The following MMD2 variants were observed in gnomAD, a reference collection of about 807,000 sequenced individuals.
MMD2 encodes monocyte to macrophage differentiation factor 2.
MMD2 carries 30 observed loss-of-function variants against 33.5 expected under a neutral mutation model. The observed-to-expected ratio is 0.90, with a 90% CI of 0.67 to 1.22. The LOEUF is 1.22. Among genes scored for constraint, MMD2 ranks in the 50% most tolerant of loss-of-function variants. The pLI is 0.00. For synonymous variants in MMD2, 129 were observed against 123.0 expected (o/e 1.05, Z -0.32); for missense variants, 364 against 325.4 (o/e 1.12, Z -0.91).
chr7:4,920,567 C>G (rs902191697), intron 2 of MMD2, among the ~76,000 whole-genome samples: 1 of 148,312 alleles, frequency 6.7e-6, no homozygotes, highest in Admixed American at 6.7e-5. Flanking sequence ...TTCCTTCCAG[C>G]CTTCCTTCCT....
chr7:4,938,359 G>A (rs1020607745), intron 1 of MMD2, among the ~76,000 whole-genome samples: 11 of 151,976 alleles, frequency 7.2e-5, no homozygotes, highest in African/African-American at 2.7e-4. Flanking sequence ...CAGGATCTAG[G>A]GACTGTGTCT....
At chr7:4,897,395 A>G in the MMD2 span, among the ~76,000 whole-genome samples, 1 of 152,204 alleles carries the variant, frequency 6.6e-6, no homozygotes, top group Admixed American at 6.5e-5. Context: ...CAATTTCACA[A>G]ACACAGAAAG....
At chr7:4,950,690 T>A (rs1786217085) in intron 1 of MMD2, among the ~76,000 whole-genome samples, 1 of 150,822 alleles carries the variant, frequency 6.6e-6, no homozygotes, top group Non-Finnish European at 1.5e-5. Flanking sequence ...TCCTTCCTTT[T>A]TAAAGCTAAA....
intron 1 of MMD2, among the ~76,000 whole-genome samples, chr7:4,944,275 T>G (rs899255187): frequency 1.1e-4 from 17 of 151,212 alleles, no homozygotes; most frequent in Admixed American, 5.9e-4. Flanking sequence ...AAAAAAAAAA[T>G]TGGAATCTAT....
chr7:4,912,122 A>G (rs1785029719), intron 4 of MMD2, among the ~76,000 whole-genome samples: 1 of 151,904 alleles, frequency 6.6e-6, no homozygotes, highest in African/African-American at 2.4e-5. Flanking sequence ...ATTAAAAATA[A>G]TAATAATTAA....
At chr7:4,905,345 A>T (rs1009601813), downstream of MMD2, among the ~76,000 whole-genome samples, 4 of 147,638 alleles carry the variant, frequency 2.7e-5, no homozygotes, top group Non-Finnish European at 6.0e-5. The surrounding 1 kb of genome is among the most constrained non-coding windows in gnomAD (Gnocchi z 5.0). Flanking sequence ...GAAGAAGAAG[A>T]GGAGGAGGAG....
downstream of MMD2, among the ~76,000 whole-genome samples, chr7:4,903,802 C>G (rs1250353780): frequency 1.3e-5 from 2 of 152,228 alleles, no homozygotes; most frequent in Non-Finnish European, 2.9e-5. Flanking sequence ...GTCACACAGG[C>G]CAGCCTGCTG....
the MMD2 span, among the ~76,000 whole-genome samples, chr7:4,898,254 T>A: frequency 3.6e-3 from 547 of 152,266 alleles, 16 homozygotes; most frequent in East Asian, 0.075. Flanking sequence ...AATTTCTTTC[T>A]CCTTACCTGT....
At chr7:4,913,760 C>G (rs1009286556) in intron 4 of MMD2, among the ~76,000 whole-genome samples, 2 of 125,242 alleles carry the variant, frequency 1.6e-5, no homozygotes, top group Non-Finnish European at 3.4e-5. Flanking sequence ...ATTTTTTTTT[C>G]AAGCCATTCT....
chr7:4,919,921 A>T (rs1785231713), intron 3 of MMD2, among the ~76,000 whole-genome samples: 1 of 152,164 alleles, frequency 6.6e-6, no homozygotes, highest in Non-Finnish European at 1.5e-5. Context: ...CAACAACAAA[A>T]AAAGTGAGCA....
intron 1 of MMD2, among the ~76,000 whole-genome samples, chr7:4,943,290 T>G (rs991423994): frequency 1.3e-5 from 2 of 152,220 alleles, no homozygotes; most frequent in Non-Finnish European, 2.9e-5. Flanking sequence ...ATTACAGGCA[T>G]GAGCCACCGC....
Position 4,915,997 on chromosome 7 carries a change from G to A in MMD2, c.365+8C>T, listed in dbSNP as rs764159950. The stretch of plus-strand genomic sequence containing the variant: ...CAAGGGTTTGCTGGGCGGCGGGACG[G>A]TACTCACCAGGGTGCGTAGGAAGCC... On this transcript the variant is annotated splice_region_variant and intron_variant, in intron 4 of 6. Coordinates refer to ENST00000401401, the MANE Select transcript of MMD2 (RefSeq NM_198403.4). 3 of 1,612,630 alleles carry A rather than the reference G, an allele frequency of 1.9e-6. No homozygotes were observed. Among genetic ancestry groups the A allele is most frequent in the Non-Finnish European group, 2.5e-6 (3 of 1,178,786 alleles).
chr7:4,893,156 C>G, the MMD2 span, among the ~76,000 whole-genome samples: 3 of 151,798 alleles, frequency 2.0e-5, no homozygotes, highest in African/African-American at 7.3e-5. Flanking sequence ...CTAGCAGGAC[C>G]CTTGCAGCTG....
intron 1 of MMD2, among the ~76,000 whole-genome samples, chr7:4,938,400 G>A (rs73322945): frequency 6.6e-6 from 1 of 152,076 alleles, no homozygotes; most frequent in African/African-American, 2.4e-5. Context: ...TGAGGATGCT[G>A]TAGAATCCCG....
At chr7:4,898,512 G>A in the MMD2 span, among the ~76,000 whole-genome samples, 2 of 152,180 alleles carry the variant, frequency 1.3e-5, no homozygotes, top group Non-Finnish European at 2.9e-5. Context: ...GGTAGGGAAG[G>A]ATAGGATAGG....
the MMD2 span, among the ~76,000 whole-genome samples, chr7:4,900,295 T>A: frequency 6.6e-6 from 1 of 152,088 alleles, no homozygotes; most frequent in Non-Finnish European, 1.5e-5. Flanking sequence ...TAATTTCATC[T>A]TGTGAGGTTT....
At chr7:4,921,617 T>A (rs1467043442) in intron 2 of MMD2, among the ~76,000 whole-genome samples, 16 of 134,952 alleles carry the variant, frequency 1.2e-4, no homozygotes, top group African/African-American at 4.3e-4. Context: ...CAAGACTCTG[T>A]CTCAAAAAAA....
At chr7:4,912,285 G>A (rs1285540986) in intron 4 of MMD2, among the ~76,000 whole-genome samples, 2 of 152,000 alleles carry the variant, frequency 1.3e-5, no homozygotes, top group Non-Finnish European at 2.9e-5. Flanking sequence ...TTGGCCGGGC[G>A]CGGTGGCTCA....
the MMD2 span, among the ~76,000 whole-genome samples, chr7:4,897,594 G>A: frequency 4.6e-5 from 7 of 152,210 alleles, no homozygotes; most frequent in Admixed American, 3.3e-4. Flanking sequence ...AGCTCCTAGC[G>A]GAACCTGGCA....
Sources: gnomAD v4.1 joint callset for allele counts (sites outside exome capture counted in the v4.1 genomes callset) on GRCh38, gnomAD v4.1.1 for gene constraint, Gnocchi (gnomAD v3.1) non-coding constraint, MANE v1.5 for transcripts, NCBI Gene and HGNC (gene_info 2026-07-23, HGNC 2026-07-21) for gene names.